GLIS2: variants seen among roughly 807,000 people sequenced by gnomAD.
The protein encoded by GLIS2 is GLIS family zinc finger 2.
In GLIS2, 14 loss-of-function variants were observed where a neutral mutation model predicts 35.6. The ratio of observed to expected loss-of-function variants is 0.39; its 90% confidence interval spans 0.26 to 0.61. The LOEUF is 0.61. Among genes scored for constraint, GLIS2 ranks in the 20% least tolerant of loss-of-function variants. The probability of loss-of-function intolerance (pLI) is 0.48; values close to 1 mark genes in which losing one functional copy is unlikely to be tolerated. For missense variants in GLIS2, 675 were observed against 713.4 expected (o/e 0.95, Z 0.61); for synonymous variants, 368 against 325.1 (o/e 1.13, Z -1.42).
At chr16:4,336,135 G>C (rs1465537634) in intron 6 of GLIS2, 2 of 195,768 alleles carry the variant, frequency 1.0e-5, no homozygotes, top group Non-Finnish European at 2.1e-5. Flanking sequence ...GCCAGGATGT[G>C]ATCTCCAAGG....
rs556515040 is a variant in GLIS2 at position 4,329,689 on chromosome 16, G to A, written c.-66-2526G>A. ...ACTCACAGGCTATGCTAGCCCCCAG[G>A]GAAACACACGGGGGCATATCCAAAG... On this transcript the variant is annotated intron_variant, in intron 1 of 6. Coordinates refer to ENST00000433375, the MANE Select transcript of GLIS2 (RefSeq NM_032575.3). Among the ~76,000 whole-genome samples, 5 of 152,282 alleles carry A rather than the reference G, an allele frequency of 3.3e-5. No individual in the cohort carries two copies. In the East Asian group the frequency reaches 7.7e-4, roughly 24 times the overall value.
In GLIS2 at chr16:4,336,640, G is replaced by A. The variant is rs9936480; in HGVS notation, c.776-85G>A. On this transcript the variant is annotated intron_variant, in intron 6 of 6. Transcript: ENST00000433375. ...CATCTATGTTCCCAGGGAGTGCTTG[G>A]CCCGGGGAAATGTTGAGTGCATGGG... 115,326 of 1,359,998 alleles carry A rather than the reference G, an allele frequency of 0.085. 9,395 individuals are homozygous for A. The highest frequency in any genetic ancestry group is 0.41 in the African/African-American group (28,446 of 69,238). The allele number at this position is 1,359,998 out of a possible 1,614,324, so 84.2% of individuals were successfully genotyped here. A position where few individuals can be genotyped will look rare whatever the true frequency, so the allele number is the denominator to read the frequency against.
chr16:4,337,073 C>A lies in GLIS2; in HGVS notation c.1124C>A (p.Ala375Asp). The change falls in exon 7 of 7, where the codon GCC (alanine) becomes GAC (aspartate). Residue 375 changes from alanine to aspartate, a missense_variant. Transcript: ENST00000433375. The part of the protein sequence containing the change: ...PGLPGLPLPL[A>D]PGPLDLSALA... ...CTGCCCGGCTTACCCCTACCCCTGGCCCCCGGCCCCCTTGACCTCAGTGCC... is the reference window on the plus strand; with the variant it reads ...CTGCCCGGCTTACCCCTACCCCTGGACCCCGGCCCCCTTGACCTCAGTGCC... 6.5e-7 allele frequency: 1 copy of A among 1,538,444 alleles called. No homozygotes were observed. The highest frequency in any genetic ancestry group is 8.7e-7 in the Non-Finnish European group (1 of 1,146,914).
chr16:4,322,400 G>A (rs1488819633), intron 1 of GLIS2, among the ~76,000 whole-genome samples: 1 of 152,196 alleles, frequency 6.6e-6, no homozygotes, highest in African/African-American at 2.4e-5. Context: ...GGGGTCTGCT[G>A]GCGAACCCAG....
In GLIS2 at chr16:4,320,376, C is replaced by G. The variant is rs2053365563; in HGVS notation, c.-67+4122C>G. On this transcript the variant is annotated intron_variant, in intron 1 of 6. Transcript: ENST00000433375. This position sits in a 1 kb window ranked among gnomAD's most constrained non-coding sequence, Gnocchi z 5.6. The stretch of plus-strand genomic sequence containing the variant: ...TGGCACAGCACGCTCCCAGGGCAGC[C>G]TCGCTTGGACCCTGGTAGTCAAGAG... Among the ~76,000 whole-genome samples, 1 of 152,058 alleles carries G rather than the reference C, an allele frequency of 6.6e-6. No individual in the cohort carries two copies.
At position 4,337,180 on chromosome 16, in the gene GLIS2, C is replaced by A. The variant is rs1268128848; in HGVS notation, c.1231C>A (p.Leu411Met). 1 of 1,544,008 alleles carries A rather than the reference C, an allele frequency of 6.5e-7. No individual in the cohort carries two copies. Among genetic ancestry groups the A allele is most frequent in the Admixed American group, 2.0e-5 (1 of 51,034 alleles). ...GLPGPVLPLN[L>M]AKNPLLPSPF... ...GCCAGGCCCCGTCCTGCCTCTCAAT[C>A]TGGCCAAGAACCCGCTGCTGCCCTC... The change falls in exon 7 of 7, where the codon CTG becomes ATG. Residue 411 changes from leucine (L) to methionine (M), a missense_variant. Around this residue, in one of 3 missense-constraint regions of GLIS2, gnomAD observed 317 missense variants for 283.2 expected, o/e 1.12. Coordinates refer to ENST00000433375, the MANE Select transcript of GLIS2 (RefSeq NM_032575.3).
intron 1 of GLIS2, among the ~76,000 whole-genome samples, chr16:4,328,914 C>G (rs763748010): frequency 6.6e-6 from 1 of 151,274 alleles, no homozygotes; most frequent in African/African-American, 2.4e-5. Flanking sequence ...TGAGTGTCCC[C>G]GTCAGCTGGA....
At position 4,338,978 on chromosome 16, in the gene GLIS2, G is replaced by A. The variant is rs2053593796; in HGVS notation, c.*1454G>A. 1 of 152,366 alleles carries A rather than the reference G, an allele frequency of 6.6e-6. No homozygotes were observed. The highest frequency in any genetic ancestry group is 2.4e-5 in the African/African-American group (1 of 41,454). The allele number at this position is 152,366 out of a possible 1,614,324, so 9.4% of individuals were successfully genotyped here. A position where few individuals can be genotyped will look rare whatever the true frequency, so the allele number is the denominator to read the frequency against. On this transcript the variant is annotated 3_prime_UTR_variant, in exon 7 of 7. Coordinates refer to ENST00000433375, the MANE Select transcript of GLIS2 (RefSeq NM_032575.3). ...TTCCACCTCCCCATCTGTAAAACGA[G>A]GCAGCTGCCCGGACAGCCTTGGGGT...
In GLIS2 at chr16:4,337,060, C is replaced by G. The variant is rs753957878; in HGVS notation, c.1111C>G (p.Pro371Ala). ...TGGAGGCCCTGGCCTGCCCGGCTTA[C>G]CCCTACCCCTGGCCCCCGGCCCCCT... ...LFGGPGLPGL[P>A]LPLAPGPLDL... Residue 371 changes from proline (P) to alanine (A), a missense_variant, in exon 7 of 7, where the codon CCC (proline) becomes GCC (alanine). Transcript: ENST00000433375. The G allele has an allele frequency of 1.2e-5, 19 of 1,557,540 alleles. 1 individual carries two copies. Among genetic ancestry groups the G allele is most frequent in the Non-Finnish European group, 1.6e-5 (19 of 1,157,192 alleles).
intron 1 of GLIS2, among the ~76,000 whole-genome samples, chr16:4,326,026 C>T (rs1023726594): frequency 6.7e-6 from 1 of 149,868 alleles, no homozygotes; most frequent in African/African-American, 2.5e-5. Flanking sequence ...ATCACGAGGT[C>T]AGGATATCGA....
At chr16:4,317,600 C>A (rs2053328193) in intron 1 of GLIS2, among the ~76,000 whole-genome samples, 1 of 152,142 alleles carries the variant, frequency 6.6e-6, no homozygotes, top group Non-Finnish European at 1.5e-5. Flanking sequence ...CGGACCTCCC[C>A]CTCTGCTTCT....
intron 1 of GLIS2, among the ~76,000 whole-genome samples, chr16:4,318,476 A>C (rs979154546): frequency 6.6e-6 from 1 of 152,168 alleles, no homozygotes; most frequent in Non-Finnish European, 1.5e-5. Flanking sequence ...ATTGCAAACA[A>C]TCGTGTGAAC....
At chr16:4,329,462 TTG>T (rs2053474450) in intron 1 of GLIS2, among the ~76,000 whole-genome samples, 3 of 152,310 alleles carry the variant, frequency 2.0e-5, no homozygotes, top group South Asian at 4.1e-4. Context: ...TGATGCAGCC[TTG>T]GGAGAGGTGG....
Position 4,337,913 on chromosome 16 carries a change from C to T in GLIS2, c.*389C>T. Reference sequence around the variant, plus strand: ...GCAGAGGGGGTGGGTGGGGTGGCATCTGCCCTCCCTGCTAGCACCAGGCTC... The same window carrying T: ...GCAGAGGGGGTGGGTGGGGTGGCATTTGCCCTCCCTGCTAGCACCAGGCTC... On this transcript the variant is annotated 3_prime_UTR_variant, in exon 7 of 7. Transcript: ENST00000433375. The T allele has an allele frequency of 2.6e-6, 1 of 377,838 alleles. No individual in the cohort carries two copies. Among genetic ancestry groups the T allele is most frequent in the Non-Finnish European group, 5.0e-6 (1 of 200,228 alleles). 23.4% of individuals were successfully genotyped at this position (377,838 alleles called of 1,614,324 possible).
rs1419748474 is a variant in GLIS2, at chr16:4,320,676, C to T, written c.-67+4422C>T. 6.6e-6 allele frequency among the ~76,000 whole-genome samples: 1 copy of T among 152,198 alleles called. No homozygotes were observed. Among genetic ancestry groups the T allele is most frequent in the Non-Finnish European group, 1.5e-5 (1 of 68,018 alleles). ...GGCTGTCTAGCAAGTCCCGGCCTGC[C>T]TGGGCCAGTTCTCCCCTGGGCCACT... On this transcript the variant is annotated intron_variant, in intron 1 of 6. Transcript: ENST00000433375. The surrounding 1 kb of genome is among the most constrained non-coding windows in gnomAD (Gnocchi z 5.6).
rs1387618746 is a variant in GLIS2, at chr16:4,335,521, C to T, written c.775+128C>T. 9.8e-6 allele frequency: 8 copies of T among 817,300 alleles called. No homozygotes were observed. In the East Asian group the frequency reaches 1.0e-4, roughly 11 times the overall value. The allele number at this position is 817,300 out of a possible 1,614,324, so 50.6% of individuals were successfully genotyped here. ...CCTCAGAGATAAGGGTTGATGTCATCGCCCAGGGGTCCCTTTTCCAATGCA... is the reference window on the plus strand; with the variant it reads ...CCTCAGAGATAAGGGTTGATGTCATTGCCCAGGGGTCCCTTTTCCAATGCA... On this transcript the variant is annotated intron_variant, in intron 6 of 6. Transcript: ENST00000433375. This position sits in a 1 kb window ranked among gnomAD's most constrained non-coding sequence, Gnocchi z 4.6.
Position 4,337,340 on chromosome 16 carries a change from C to A in GLIS2, c.1391C>A (p.Pro464His). 1 of 1,588,634 alleles carries A rather than the reference C, an allele frequency of 6.3e-7. No homozygotes were observed. The highest frequency in any genetic ancestry group is 8.6e-7 in the Non-Finnish European group (1 of 1,169,276). Residue 464 changes from proline (P) to histidine (H), a missense_variant, in exon 7 of 7, where the codon CCC becomes CAC. This residue lies in a region of GLIS2 where 317 missense variants were observed against 283.2 expected (regional missense o/e 1.12). Transcript: ENST00000433375. ...CTGGGCATGGAGGGCCACAAGACGC[C>A]CCTTGAAAGGACGGAGAGCAGCTGC... ...RALGMEGHKT[P>H]LERTESSCSR...
rs774764923 is a variant in GLIS2, at chr16:4,333,525, G to A, written c.345+6G>A. ...CTCCAGTGCCCAGTGCCTCGGTAAG[G>A]AGGGGTGAGAGTTCCGGAGAGAGGG... On this transcript the variant is annotated splice_donor_region_variant and intron_variant, in intron 3 of 6. Coordinates refer to ENST00000433375, the MANE Select transcript of GLIS2 (RefSeq NM_032575.3). The A allele has an allele frequency of 1.9e-6, 3 of 1,606,482 alleles. No homozygotes were observed. The highest frequency in any genetic ancestry group is 1.3e-5 in the African/African-American group (1 of 74,834).
Position 4,338,064 on chromosome 16 carries a change from A to G in GLIS2, c.*540A>G. The G allele has an allele frequency of 5.4e-6, 1 of 183,684 alleles. No homozygotes were observed. The highest frequency in any genetic ancestry group is 1.1e-5 in the Non-Finnish European group (1 of 86,976). The allele number at this position is 183,684 out of a possible 1,614,324, so 11.4% of individuals were successfully genotyped here. A position where few individuals can be genotyped will look rare whatever the true frequency, so the allele number is the denominator to read the frequency against. On this transcript the variant is annotated 3_prime_UTR_variant, in exon 7 of 7. Coordinates refer to ENST00000433375, the MANE Select transcript of GLIS2 (RefSeq NM_032575.3). The stretch of plus-strand genomic sequence containing the variant: ...ACCCTGCCTCCAGAGGGAAAGCAAG[A>G]CAGATGCAGGCCCCTGCAAAGCCCC...
Sources: gnomAD v4.1 joint callset for allele counts (sites outside exome capture counted in the v4.1 genomes callset) on GRCh38, gnomAD v4.1.1 for gene constraint, gnomAD v4.1.1 regional missense constraint, Gnocchi (gnomAD v3.1) non-coding constraint, MANE v1.5 for transcripts, NCBI Gene and HGNC (gene_info 2026-07-23, HGNC 2026-07-21) for gene names.